Variants in TATDN1 observed in about 807,000 individuals in gnomAD.
TATDN1 encodes the protein TatD DNase domain containing 1.
TATDN1 carries 40 observed loss-of-function variants against 46.4 expected under a neutral mutation model. The observed-to-expected ratio is 0.86, with a 90% CI of 0.67 to 1.12. TATDN1 has a LOEUF of 1.12. Ranked by LOEUF, TATDN1 falls within the 50% of genes most tolerant of loss-of-function variation. The pLI, the probability that TATDN1 is intolerant of heterozygous loss-of-function variation, is 0.00. For synonymous variants in TATDN1, 95 were observed against 105.6 expected (o/e 0.90, Z 0.62); for missense variants, 326 against 348.4 (o/e 0.94, Z 0.51).
rs758947075 is a variant in TATDN1, at chr8:124,522,136, C to T, written c.138+15G>A. The T allele has an allele frequency of 1.3e-6, 2 of 1,553,852 alleles. No individual in the cohort carries two copies. The highest frequency in any genetic ancestry group is 3.4e-4 in the Middle Eastern group (2 of 5,902). Reference sequence around the variant, plus strand: ...TGAATTTTAAAAATCTCAAAAATAACAAAATGGATGTTACCTTTTTAACAC... The same window carrying T: ...TGAATTTTAAAAATCTCAAAAATAATAAAATGGATGTTACCTTTTTAACAC... On this transcript the variant is annotated intron_variant, in intron 3 of 11. Transcript: ENST00000276692.
chr8:124,502,189 A>C (rs1563652907), intron 9 of TATDN1, among the ~76,000 whole-genome samples: 1 of 152,030 alleles, frequency 6.6e-6, no homozygotes, highest in Non-Finnish European at 1.5e-5. Context: ...AAAAACAAAA[A>C]AAATAGCCAG....
intron 10 of TATDN1, 87 bp downstream of exon 10, chr8:124,495,385 T>TA: frequency 2.0e-6 from 2 of 985,450 alleles, no homozygotes; most frequent in Non-Finnish European, 3.1e-6. Flanking sequence ...CTTGTTCACT[T>TA]AAAGTTTGAA....
intron 9 of TATDN1, among the ~76,000 whole-genome samples, chr8:124,500,614 G>A (rs373175782): frequency 2.0e-5 from 3 of 151,866 alleles, no homozygotes; most frequent in East Asian, 3.9e-4. Context: ...TGGGAGGATC[G>A]CCTGAGCCCA....
In TATDN1 at chr8:124,523,079, C is replaced by T. The variant is rs568150949; in HGVS notation, c.23-77G>A. The T allele has an allele frequency of 1.9e-5, 25 of 1,351,334 alleles. No homozygotes were observed. In the African/African-American group the frequency reaches 2.5e-4, roughly 13 times the overall value. The allele number at this position is 1,351,334 out of a possible 1,614,324, so 83.7% of individuals were successfully genotyped here. A position where few individuals can be genotyped will look rare whatever the true frequency, so the allele number is the denominator to read the frequency against. On this transcript the variant is annotated intron_variant, in intron 1 of 11. Transcript: ENST00000276692. ...GTACTTAAATAAAAAGCTTCTGTTA[C>T]TAAACTTTTTGTTCACACACTCATC... is the stretch of plus-strand genomic sequence containing the variant.
At chr8:124,522,250 A>AC in intron 2 of TATDN1, 50 bp from the exon 3 acceptor site, 1 of 1,268,746 alleles carries the variant, frequency 7.9e-7, no homozygotes, top group East Asian at 2.4e-5. Context: ...CAAAAATTTG[A>AC]CTTTTTTTTT....
chr8:124,492,500 G>C (rs887706681), intron 11 of TATDN1, among the ~76,000 whole-genome samples: 2 of 152,008 alleles, frequency 1.3e-5, no homozygotes, highest in South Asian at 4.1e-4. Context: ...GGCTGGGTGT[G>C]GTAGCTCACG....
chr8:124,530,667 T>C (rs1195610642), intron 1 of TATDN1, among the ~76,000 whole-genome samples: 1 of 152,192 alleles, frequency 6.6e-6, no homozygotes, highest in African/African-American at 2.4e-5. Context: ...GTGGGGGTCA[T>C]AAGCCCTGCT....
chr8:124,506,051 T>C (rs1433154111), intron 8 of TATDN1, among the ~76,000 whole-genome samples: 2 of 151,948 alleles, frequency 1.3e-5, no homozygotes, highest in Non-Finnish European at 2.9e-5. Flanking sequence ...TATTTAGAAA[T>C]AGGCTGGGCA....
intron 4 of TATDN1, 107 bp from the exon 5 acceptor site, chr8:124,516,137 G>A: frequency 2.1e-6 from 2 of 943,140 alleles, no homozygotes; most frequent in Non-Finnish European, 2.9e-6. Flanking sequence ...TTTCAACAAT[G>A]GCAATAAATT....
At chr8:124,505,175 G>T (rs1818308004) in intron 8 of TATDN1, among the ~76,000 whole-genome samples, 1 of 151,200 alleles carries the variant, frequency 6.6e-6, no homozygotes, top group Admixed American at 6.6e-5. Context: ...ACCTGAGGTT[G>T]GGAGTTCGAG....
intron 3 of TATDN1, among the ~76,000 whole-genome samples, chr8:124,519,454 T>C (rs1040732187): frequency 6.6e-6 from 1 of 152,152 alleles, no homozygotes; most frequent in Non-Finnish European, 1.5e-5. Context: ...ACACAGTCAT[T>C]AGAGATTTGA....
chr8:124,519,887 G>A (rs780313649), intron 3 of TATDN1, among the ~76,000 whole-genome samples: 1 of 152,206 alleles, frequency 6.6e-6, no homozygotes, highest in African/African-American at 2.4e-5. Flanking sequence ...CACTGAAGCA[G>A]TGCTGCGTAA....
chr8:124,504,123 A>T, intron 9 of TATDN1, 148 bp downstream of exon 9: 1 of 708,202 alleles, frequency 1.4e-6, no homozygotes, highest in Non-Finnish European at 2.3e-6. Flanking sequence ...TAATTTCTTA[A>T]TAAATAATTA....
At chr8:124,518,591 A>C (rs1326119093) in intron 4 of TATDN1, among the ~76,000 whole-genome samples, 2 of 152,106 alleles carry the variant, frequency 1.3e-5, no homozygotes, top group Admixed American at 6.5e-5. Context: ...CATTAGCTGA[A>C]ATCTTAAAAT....
At chr8:124,493,806 T>G in intron 11 of TATDN1, 27 bp downstream of exon 11, 1 of 1,575,132 alleles carries the variant, frequency 6.3e-7, no homozygotes, top group South Asian at 1.2e-5. Flanking sequence ...CTAATGATTT[T>G]GAAGACCATG....
rs546387670 is a variant in TATDN1, at chr8:124,523,295, C to A, written c.23-293G>T. On this transcript the variant is annotated intron_variant, in intron 1 of 11. Coordinates refer to ENST00000276692, the MANE Select transcript of TATDN1 (RefSeq NM_032026.4). ...ACTATGGGACACAGAAGAGGAACAC[C>A]CAACCTAGTCTGGTGGCTGGCTCAG... 4 of 293,592 alleles carry A rather than the reference C, an allele frequency of 1.4e-5. No homozygotes were observed. In the East Asian group the frequency reaches 3.2e-4, roughly 24 times the overall value. The allele number at this position is 293,592 out of a possible 1,614,324, so 18.2% of individuals were successfully genotyped here.
At chr8:124,502,666 C>A (rs1350081501) in intron 9 of TATDN1, among the ~76,000 whole-genome samples, 1 of 150,504 alleles carries the variant, frequency 6.6e-6, no homozygotes, top group East Asian at 2.0e-4. Flanking sequence ...GGGTCTGCAA[C>A]TGACGGAACT....
At chr8:124,510,091 T>C (rs1818880204) in intron 6 of TATDN1, among the ~76,000 whole-genome samples, 1 of 151,850 alleles carries the variant, frequency 6.6e-6, no homozygotes, top group African/African-American at 2.4e-5. Flanking sequence ...AAATAGGTCG[T>C]CTATGTCTGT....
At chr8:124,510,277 C>A (rs1426950119) in intron 6 of TATDN1, among the ~76,000 whole-genome samples, 2 of 152,142 alleles carry the variant, frequency 1.3e-5, no homozygotes, top group Admixed American at 6.6e-5. Context: ...TCCATAACCT[C>A]TAAAGTAAAC....
Sources: gnomAD v4.1 joint callset for allele counts (sites outside exome capture counted in the v4.1 genomes callset) on GRCh38, gnomAD v4.1.1 for gene constraint, MANE v1.5 for transcripts, NCBI Gene and HGNC (gene_info 2026-07-23, HGNC 2026-07-21) for gene names.